The following CDH18 variants were observed in gnomAD, a reference collection of about 807,000 sequenced individuals.
CDH18 encodes cadherin 18.
Under a neutral mutation model 67.9 loss-of-function variants are expected in CDH18, and 31 were observed. The observed-to-expected ratio is 0.46, with a 90% CI of 0.34 to 0.62. The LOEUF (loss-of-function observed/expected upper bound fraction) is 0.62. Ranked by LOEUF, CDH18 falls within the 20% of genes least tolerant of loss-of-function variation. CDH18 has a pLI of 0.01. For synonymous variants in CDH18, 362 were observed against 347.2 expected (o/e 1.04, Z -0.48); for missense variants, 890 against 975.5 (o/e 0.91, Z 1.17).
At chr5:19,597,901 T>C (rs1418324931) in intron 6 of CDH18, among the ~76,000 whole-genome samples, 1 of 152,214 alleles carries the variant, frequency 6.6e-6, no homozygotes, top group Non-Finnish European at 1.5e-5. Context: ...GTATTTTTTA[T>C]TCAAAATCAT....
chr5:19,546,566 T>G (rs1337096221), intron 8 of CDH18, among the ~76,000 whole-genome samples: 1 of 152,144 alleles, frequency 6.6e-6, no homozygotes, highest in Non-Finnish European at 1.5e-5. Flanking sequence ...AAATATAGGG[T>G]AGGTGTGGTG....
intron 1 of CDH18, among the ~76,000 whole-genome samples, chr5:20,399,369 T>A (rs927931267): frequency 3.9e-5 from 6 of 152,104 alleles, no homozygotes; most frequent in African/African-American, 1.4e-4. Context: ...AACAACAATA[T>A]AAGAGGAATA....
At chr5:20,418,575 T>C (rs1387786396) in intron 1 of CDH18, among the ~76,000 whole-genome samples, 1 of 152,020 alleles carries the variant, frequency 6.6e-6, no homozygotes, top group African/African-American at 2.4e-5. Context: ...GTCAAACATA[T>C]AGGTGGGTTT....
intron 1 of CDH18, among the ~76,000 whole-genome samples, chr5:20,317,836 G>T (rs1737616132): frequency 6.6e-6 from 1 of 152,122 alleles, no homozygotes; most frequent in Non-Finnish European, 1.5e-5. Flanking sequence ...TGATTAGAAT[G>T]GTTGCAAGTC....
chr5:20,188,903 A>G (rs1048998145), intron 2 of CDH18, among the ~76,000 whole-genome samples: 2 of 150,482 alleles, frequency 1.3e-5, no homozygotes, highest in African/African-American at 4.9e-5. Flanking sequence ...CATTTTGAAC[A>G]GGTAATATTT....
intron 3 of CDH18, among the ~76,000 whole-genome samples, chr5:19,794,417 G>C (rs1776649980): frequency 6.6e-6 from 1 of 152,074 alleles, no homozygotes; most frequent in Non-Finnish European, 1.5e-5. Context: ...CTCCAAAATT[G>C]GCACTCCTGA....
intron 1 of CDH18, among the ~76,000 whole-genome samples, chr5:20,422,951 G>A (rs1409716962): frequency 1.3e-5 from 2 of 151,072 alleles, no homozygotes; most frequent in Admixed American, 1.3e-4. Context: ...CATGGCACAG[G>A]TAGACCCTCA....
At chr5:20,069,559 C>G (rs886179225) in intron 2 of CDH18, among the ~76,000 whole-genome samples, 19 of 151,850 alleles carry the variant, frequency 1.3e-4, no homozygotes, top group Non-Finnish European at 1.9e-4. Flanking sequence ...ACTACAGGCA[C>G]CTGCCACCAC....
rs146839647 is a variant in CDH18 at position 19,693,653 on chromosome 5, T to C, written c.643+27694A>G. Among the ~76,000 whole-genome samples, 323 of 152,162 alleles carry C rather than the reference T, an allele frequency of 2.1e-3. 1 individual carries two copies. The highest frequency in any genetic ancestry group is 7.4e-3 in the African/African-American group (307 of 41,506). On this transcript the variant is annotated intron_variant, in intron 5 of 12. Coordinates refer to ENST00000382275, the MANE Select transcript of CDH18 (RefSeq NM_004934.5). The stretch of plus-strand genomic sequence containing the variant: ...GGCTCATGCCTGTAATCCCAACACT[T>C]TGGGAGGCCAAGGCAGGTGGATCAC...
At chr5:20,100,462 T>C (rs770102672) in intron 2 of CDH18, among the ~76,000 whole-genome samples, 18 of 152,320 alleles carry the variant, frequency 1.2e-4, no homozygotes, top group Admixed American at 3.3e-4. Context: ...CAACCTAATA[T>C]ATGTATCTAA....
At chr5:19,733,799 C>T (rs1767932428) in intron 4 of CDH18, among the ~76,000 whole-genome samples, 1 of 152,172 alleles carries the variant, frequency 6.6e-6, no homozygotes, top group African/African-American at 2.4e-5. Flanking sequence ...TGTAACATCC[C>T]CTCTGGGGCT....
At chr5:19,548,901 C>A (rs900018839) in intron 8 of CDH18, among the ~76,000 whole-genome samples, 1 of 151,974 alleles carries the variant, frequency 6.6e-6, no homozygotes, top group Non-Finnish European at 1.5e-5. Context: ...AGGCGTTTGC[C>A]ATCATGCCTG....
At chr5:20,403,719 T>A (rs1446399663) in intron 1 of CDH18, among the ~76,000 whole-genome samples, 1 of 152,196 alleles carries the variant, frequency 6.6e-6, no homozygotes, top group African/African-American at 2.4e-5. Context: ...CAGAGTAGAT[T>A]TAGCAAAATT....
intron 1 of CDH18, among the ~76,000 whole-genome samples, chr5:20,543,056 A>T (rs1275863813): frequency 6.6e-6 from 1 of 151,966 alleles, no homozygotes; most frequent in Non-Finnish European, 1.5e-5. Flanking sequence ...TTGCTGGCAA[A>T]CTTTTTAAAA....
At chr5:20,219,704 G>A (rs1741072650) in intron 2 of CDH18, among the ~76,000 whole-genome samples, 1 of 151,458 alleles carries the variant, frequency 6.6e-6, no homozygotes, top group Non-Finnish European at 1.5e-5. Flanking sequence ...TGTGATATAT[G>A]GTATGAACAG....
At chr5:19,655,009 T>C (rs1471796855) in intron 5 of CDH18, among the ~76,000 whole-genome samples, 3 of 152,082 alleles carry the variant, frequency 2.0e-5, no homozygotes, top group Admixed American at 6.6e-5. Context: ...GGGTACAGGA[T>C]AGGGGGGTGT....
upstream of CDH18, among the ~76,000 whole-genome samples, chr5:19,991,293 C>T (rs1224650029): frequency 6.6e-6 from 1 of 152,138 alleles, no homozygotes; most frequent in African/African-American, 2.4e-5. Flanking sequence ...ACTGCACAAA[C>T]ATGGTGCATT....
At chr5:20,154,350 T>C (rs1751360833) in intron 2 of CDH18, among the ~76,000 whole-genome samples, 1 of 152,184 alleles carries the variant, frequency 6.6e-6, no homozygotes, top group Admixed American at 6.5e-5. Context: ...AGTAACACCA[T>C]ATCTAAATAT....
chr5:19,692,616 A>C (rs796213354), intron 5 of CDH18, among the ~76,000 whole-genome samples: 2 of 152,050 alleles, frequency 1.3e-5, no homozygotes, highest in South Asian at 4.1e-4. Flanking sequence ...AATGGCCAAC[A>C]GGTATAAGAA....
Sources: gnomAD v4.1 joint callset for allele counts (sites outside exome capture counted in the v4.1 genomes callset) on GRCh38, gnomAD v4.1.1 for gene constraint, MANE v1.5 for transcripts, NCBI Gene and HGNC (gene_info 2026-07-23, HGNC 2026-07-21) for gene names.